Variants in CFAP299 observed in about 807,000 individuals in gnomAD.
CFAP299 encodes cilia- and flagella-associated protein 299.
Under a neutral mutation model 27.0 loss-of-function variants are expected in CFAP299, and 21 were observed. The observed-to-expected ratio is 0.78, with a 90% CI of 0.55 to 1.12. The LOEUF (loss-of-function observed/expected upper bound fraction) is 1.12, where lower values mean the gene tolerates loss of function less well. CFAP299 is among the 50% of genes most tolerant of loss of function. The probability of loss-of-function intolerance (pLI) is 0.00; values close to 1 mark genes in which losing one functional copy is unlikely to be tolerated. For missense variants in CFAP299, 310 were observed against 276.6 expected (o/e 1.12, Z -0.86); for synonymous variants, 104 against 98.1 (o/e 1.06, Z -0.36).
chr4:80,776,075 A>G (rs1726522178), intron 3 of CFAP299, among the ~76,000 whole-genome samples: 1 of 152,106 alleles, frequency 6.6e-6, no homozygotes, highest in Admixed American at 6.6e-5. Context: ...GCCAACTCTA[A>G]CACCATGGCA....
chr4:80,884,733 T>A (rs1192519145), intron 4 of CFAP299, among the ~76,000 whole-genome samples: 1 of 150,904 alleles, frequency 6.6e-6, no homozygotes, highest in Non-Finnish European at 1.5e-5. Context: ...AAGTTGACAT[T>A]CCTTTAGCTA....
intron 2 of CFAP299, among the ~76,000 whole-genome samples, chr4:80,402,342 G>A (rs1362568187): frequency 1.3e-5 from 2 of 152,122 alleles, no homozygotes; most frequent in Admixed American, 6.5e-5. Flanking sequence ...GAATTCCCAC[G>A]TGTTGTGGGA....
At chr4:80,799,631 TAATATATAAAATATATA>T (rs1728182350) in intron 3 of CFAP299, among the ~76,000 whole-genome samples, 3 of 44,402 alleles carry the variant, frequency 6.8e-5, no homozygotes, top group Non-Finnish European at 1.1e-4. Flanking sequence ...TATAAATATA[TAATATATAAAATATATA>T]TTTTATATAT....
intron 2 of CFAP299, among the ~76,000 whole-genome samples, chr4:80,376,109 G>A (rs901734441): frequency 6.6e-6 from 1 of 152,052 alleles, no homozygotes; most frequent in Non-Finnish European, 1.5e-5. Context: ...TGACAAACCA[G>A]CCATATGATT....
At chr4:80,341,212 G>A (rs1182627790) in intron 1 of CFAP299, among the ~76,000 whole-genome samples, 1 of 152,220 alleles carries the variant, frequency 6.6e-6, no homozygotes, top group Non-Finnish European at 1.5e-5. Context: ...CCTCTGAGGG[G>A]AGAAGCAGCC....
intron 3 of CFAP299, among the ~76,000 whole-genome samples, chr4:80,714,572 A>C (rs1467374586): frequency 6.6e-6 from 1 of 152,114 alleles, no homozygotes; most frequent in Non-Finnish European, 1.5e-5. Flanking sequence ...AATGCCAACA[A>C]ATCAAATTTC....
intron 2 of CFAP299, among the ~76,000 whole-genome samples, chr4:80,504,506 T>TATATATATATA (rs57743936): frequency 7.0e-4 from 88 of 126,294 alleles, no homozygotes; most frequent in Non-Finnish European, 1.1e-3. Context: ...TATATATATA[T>TATATATATATA]TTTCCTTTGA....
intron 3 of CFAP299, among the ~76,000 whole-genome samples, chr4:80,706,832 G>A (rs1189109286): frequency 6.6e-6 from 1 of 151,808 alleles, no homozygotes; most frequent in Non-Finnish European, 1.5e-5. Context: ...AGCTGCTCCT[G>A]AGCTTTAGTA....
At chr4:80,423,775 A>G (rs909119787) in intron 2 of CFAP299, among the ~76,000 whole-genome samples, 2 of 152,152 alleles carry the variant, frequency 1.3e-5, no homozygotes, top group Non-Finnish European at 2.9e-5. Flanking sequence ...AATGTTCATT[A>G]TGGGTGACTC....
At chr4:80,414,139 C>A (rs1363778854) in intron 2 of CFAP299, among the ~76,000 whole-genome samples, 1 of 142,334 alleles carries the variant, frequency 7.0e-6, no homozygotes, top group African/African-American at 2.7e-5. Context: ...GGCGGGATCT[C>A]GGCTCACTGC....
chr4:80,670,974 GC>G (rs1741445140), intron 3 of CFAP299, among the ~76,000 whole-genome samples: 1 of 152,180 alleles, frequency 6.6e-6, no homozygotes, highest in South Asian at 2.1e-4. Flanking sequence ...CTTTTGCTGA[GC>G]AGAAGCTCTT....
chr4:80,834,334 C>G (rs1330137383), intron 3 of CFAP299, among the ~76,000 whole-genome samples: 1 of 152,162 alleles, frequency 6.6e-6, no homozygotes, highest in Admixed American at 6.5e-5. Flanking sequence ...TTAAGTGACT[C>G]CCTACTTCTT....
chr4:80,921,580 A>G (rs1210623524), intron 4 of CFAP299, among the ~76,000 whole-genome samples: 2 of 152,096 alleles, frequency 1.3e-5, no homozygotes, highest in Non-Finnish European at 2.9e-5. Flanking sequence ...GAGTAGGAGC[A>G]GTAAGACATG....
At chr4:80,636,269 T>C (rs1739461913) in intron 3 of CFAP299, among the ~76,000 whole-genome samples, 3 of 152,146 alleles carry the variant, frequency 2.0e-5, no homozygotes, top group Non-Finnish European at 2.9e-5. Context: ...TGACTCTTTA[T>C]TGTATCCTCA....
intron 3 of CFAP299, among the ~76,000 whole-genome samples, chr4:80,673,543 G>A (rs1719158145): frequency 6.6e-6 from 1 of 152,186 alleles, no homozygotes; most frequent in African/African-American, 2.4e-5. Flanking sequence ...GTGCGGAGCT[G>A]AGTTCAAGTC....
chr4:80,549,043 A>C (rs1467853631), intron 2 of CFAP299, among the ~76,000 whole-genome samples: 1 of 152,128 alleles, frequency 6.6e-6, no homozygotes, highest in African/African-American at 2.4e-5. Context: ...TCAGTGTGGG[A>C]GGAGAGTAGT....
chr4:80,943,400 A>G (rs2110229652), intron 4 of CFAP299, among the ~76,000 whole-genome samples: 1 of 152,330 alleles, frequency 6.6e-6, no homozygotes, highest in South Asian at 2.1e-4. Flanking sequence ...TCAGAAAACA[A>G]TATAATTCAG....
intron 3 of CFAP299, among the ~76,000 whole-genome samples, chr4:80,814,222 C>A (rs1477813659): frequency 6.6e-6 from 1 of 152,030 alleles, no homozygotes; most frequent in African/African-American, 2.4e-5. Context: ...TTCCCTAAAA[C>A]AAATGAGCTA....
At chr4:80,331,292 A>G (rs1721932080), upstream of CFAP299, among the ~76,000 whole-genome samples, 1 of 152,214 alleles carries the variant, frequency 6.6e-6, no homozygotes, top group African/African-American at 2.4e-5. Flanking sequence ...AATGTCTTGT[A>G]AGCCATGTCA....
Sources: gnomAD v4.1 joint callset for allele counts (sites outside exome capture counted in the v4.1 genomes callset) on GRCh38, gnomAD v4.1.1 for gene constraint, MANE v1.5 for transcripts, NCBI Gene and HGNC (gene_info 2026-07-23, HGNC 2026-07-21) for gene names.